The following RP1 variants were observed in gnomAD, a reference collection of about 807,000 sequenced individuals.
RP1 encodes RP1 axonemal microtubule associated.
A neutral mutation model predicts 14.8 loss-of-function variants in RP1; 16 were observed. The ratio of observed to expected loss-of-function variants is 1.08; its 90% CI spans 0.73 to 1.65. The LOEUF is 1.65. RP1 is among the 40% of genes most tolerant of loss of function. The pLI is 0.00. For synonymous variants in RP1, 876 were observed against 883.6 expected, an observed-to-expected ratio of 0.99 and a Z score of 0.15; for missense variants, 2,631 against 2,535.0, an observed-to-expected ratio of 1.04 and a Z score of -0.81.
At chr8:54,730,689 T>A (rs1350664741) in intron 17 of RP1, among the ~76,000 whole-genome samples, 1 of 152,130 alleles carries the variant, frequency 6.6e-6, no homozygotes, top group Non-Finnish European at 1.5e-5. Flanking sequence ...TTTATCTTCT[T>A]GGTATTAATC....
chr8:54,823,027 A>G (rs1226409315), intron 24 of RP1, among the ~76,000 whole-genome samples: 1 of 152,174 alleles, frequency 6.6e-6, no homozygotes, highest in Non-Finnish European at 1.5e-5. Flanking sequence ...TCACATAATA[A>G]TAGTTCAGTA....
downstream of RP1, among the ~76,000 whole-genome samples, chr8:54,632,350 T>C (rs1806264649): frequency 6.6e-6 from 1 of 152,204 alleles, no homozygotes; most frequent in African/African-American, 2.4e-5. Flanking sequence ...GTGTCCTTCA[T>C]GCATCATAAT....
At chr8:54,563,785 G>A (rs13269141) in intron 1 of RP1, among the ~76,000 whole-genome samples, 9,044 of 152,156 alleles carry the variant, frequency 0.059, 393 homozygotes, top group Non-Finnish European at 0.095. Context: ...CTGGGCTCAA[G>A]TGACTCTCCT....
intron 1 of RP1, among the ~76,000 whole-genome samples, chr8:54,576,618 C>T (rs7833405): frequency 0.22 from 33,798 of 152,082 alleles, 3,969 homozygotes; most frequent in East Asian, 0.36. Flanking sequence ...CATTTTAATT[C>T]GGAATCATAG....
rs980671885 is a variant in RP1, at chr8:54,786,204, T to A, written c.3615+2494T>A. 2.8e-4 allele frequency among the ~76,000 whole-genome samples: 42 copies of A among 152,096 alleles called. 1 individual carries two copies. The highest frequency in any genetic ancestry group is 2.5e-3 in the Admixed American group (38 of 15,256). The stretch of plus-strand genomic sequence containing the variant: ...AGGTCTGCTAGTGATGAATTCTCTA[T>A]TTTTGTTTATCTAGGAAAGTCTTAA... On this transcript the variant is annotated intron_variant, in intron 24 of 28. Coordinates refer to the RP1 transcript ENST00000637698.
intron 12 of RP1, chr8:54,699,370 A>G (rs1455444180): frequency 4.4e-6 from 2 of 450,140 alleles, no homozygotes; most frequent in East Asian, 6.9e-5. Flanking sequence ...TTAATTGAGA[A>G]GTTTAAAATA....
chr8:54,573,470 C>T (rs558097372), intron 1 of RP1, among the ~76,000 whole-genome samples: 1 of 152,278 alleles, frequency 6.6e-6, no homozygotes, highest in South Asian at 2.1e-4. Context: ...GAACTCAGTT[C>T]TAGTTTAATG....
intron 1 of RP1, among the ~76,000 whole-genome samples, chr8:54,572,679 G>T (rs979147526): frequency 1.3e-5 from 2 of 152,092 alleles, no homozygotes; most frequent in Non-Finnish European, 2.9e-5. Flanking sequence ...GCCTCTGCAC[G>T]GAAGAAACAT....
intron 23 of RP1, among the ~76,000 whole-genome samples, chr8:54,778,922 G>A (rs1810112688): frequency 1.3e-5 from 2 of 152,250 alleles, no homozygotes; most frequent in African/African-American, 2.4e-5. Flanking sequence ...TATTACGTCA[G>A]CATGGATGTA....
At chr8:54,763,524 T>C (rs1809691299) in intron 22 of RP1, among the ~76,000 whole-genome samples, 1 of 152,026 alleles carries the variant, frequency 6.6e-6, no homozygotes, top group African/African-American at 2.4e-5. Flanking sequence ...CTACTAAAAA[T>C]ACAAAATTAG....
intron 6 of RP1, among the ~76,000 whole-genome samples, chr8:54,658,413 T>A (rs1806803580): frequency 6.7e-6 from 1 of 149,954 alleles, no homozygotes; most frequent in Admixed American, 6.6e-5. Context: ...TAGCCGGGCG[T>A]AGTGGCGGGC....
intron 1 of RP1, 88 bp from the exon 2 acceptor site, chr8:54,620,867 T>A: frequency 4.2e-6 from 5 of 1,202,830 alleles, no homozygotes; most frequent in Non-Finnish European, 6.2e-6. Flanking sequence ...ATATCCTGGA[T>A]GTCTGCAGCT....
intron 1 of RP1, among the ~76,000 whole-genome samples, chr8:54,575,737 T>C (rs895254785): frequency 1.3e-5 from 2 of 152,196 alleles, no homozygotes; most frequent in East Asian, 3.9e-4. Flanking sequence ...GTCACCCAGG[T>C]ACTAAGCTCA....
At chr8:54,787,648 C>G (rs1810354727) in intron 24 of RP1, among the ~76,000 whole-genome samples, 1 of 152,142 alleles carries the variant, frequency 6.6e-6, no homozygotes, top group Non-Finnish European at 1.5e-5. Context: ...AGTGCTTATG[C>G]CGTTCACTCC....
chr8:54,836,624 C>T (rs12114605), intron 24 of RP1, among the ~76,000 whole-genome samples: 47,555 of 151,926 alleles, frequency 0.31, 7,593 homozygotes, highest in South Asian at 0.37. Flanking sequence ...CTGCTAACAG[C>T]GTGAATAAGC....
At position 54,626,386 on chromosome 8, in the gene RP1, C is replaced by T; in HGVS notation, c.2504C>T (p.Ala835Val). ...ILEQKPKDFY[A>V]PQSQAEVASG... ...GAGCAAAAACCCAAAGATTTTTATG[C>T]ACCGCAATCTCAAGCAGAAGTGGCA... is the stretch of plus-strand genomic sequence containing the variant. Residue 835 changes from alanine (A) to valine (V), a missense_variant, in exon 4 of 4, where the codon GCA becomes GTA. Transcript: ENST00000220676. The T allele has an allele frequency of 6.2e-7, 1 of 1,613,238 alleles. No individual in the cohort carries two copies. The highest frequency in any genetic ancestry group is 8.5e-7 in the Non-Finnish European group (1 of 1,179,828).
At chr8:54,862,681 G>A (rs972673624) in intron 27 of RP1, among the ~76,000 whole-genome samples, 8 of 152,034 alleles carry the variant, frequency 5.3e-5, no homozygotes, top group African/African-American at 1.7e-4. Context: ...CCTCTGTGTG[G>A]TCAGAGCTGG....
chr8:54,738,896 A>T, intron 18 of RP1: 1 of 1,273,004 alleles, frequency 7.9e-7, no homozygotes, highest in Non-Finnish European at 1.1e-6. Context: ...TAATGTGCTT[A>T]ATTTAAAAAA....
intron 1 of RP1, among the ~76,000 whole-genome samples, chr8:54,595,734 T>C (rs1356427818): frequency 6.6e-6 from 1 of 152,246 alleles, no homozygotes; most frequent in African/African-American, 2.4e-5. Flanking sequence ...AGAAATTATT[T>C]TGTGGATTGA....
Sources: gnomAD v4.1 joint callset for allele counts (sites outside exome capture counted in the v4.1 genomes callset) on GRCh38, gnomAD v4.1.1 for gene constraint, MANE v1.5 for transcripts, NCBI Gene and HGNC (gene_info 2026-07-23, HGNC 2026-07-21) for gene names.